Variants in CDKN2B-AS1 observed in about 807,000 individuals in gnomAD.
CDKN2B-AS1 encodes CDKN2B antisense RNA 1 (non-protein coding).
At chr9:22,076,609 C>G (rs1391571256) in intron 4 of CDKN2B-AS1, among the ~76,000 whole-genome samples, 1 of 152,156 alleles carries the variant, frequency 6.6e-6, no homozygotes, top group Non-Finnish European at 1.5e-5. Flanking sequence ...GCTTCCCTTC[C>G]CACTCCAAAC....
chr9:22,012,522 C>T, intron 1 of CDKN2B-AS1: 3 of 639,020 alleles, frequency 4.7e-6, no homozygotes, highest in South Asian at 4.2e-5. Context: ...AACCTGCACC[C>T]CAAGAAGGTC....
At chr9:22,002,426 A>G (rs917074912) in intron 1 of CDKN2B-AS1, among the ~76,000 whole-genome samples, 4 of 151,960 alleles carry the variant, frequency 2.6e-5, no homozygotes, top group Non-Finnish European at 2.9e-5. Flanking sequence ...TAAAATGAGT[A>G]TATGTTTTAC....
intron 4 of CDKN2B-AS1, chr9:22,064,140 G>C (rs563066707): frequency 6.6e-6 from 1 of 152,306 alleles, no homozygotes; most frequent in Non-Finnish European, 1.5e-5. Flanking sequence ...TAAGACACTG[G>C]GTTTTCTAGC....
At chr9:22,013,064 A>G (rs117626887) in intron 1 of CDKN2B-AS1, among the ~76,000 whole-genome samples, 1,828 of 152,296 alleles carry the variant, frequency 0.012, 17 homozygotes, top group Non-Finnish European at 0.021. Flanking sequence ...TGGCCATCCT[A>G]CTGCTGCCTC....
intron 1 of CDKN2B-AS1, chr9:22,008,928 G>A: frequency 6.2e-7 from 1 of 1,612,950 alleles, no homozygotes. Flanking sequence ...GCCCCCACTG[G>A]GCATGCCCTT....
rs1021872674 is a variant in CDKN2B-AS1 at position 22,113,643 on chromosome 9, T to C, written n.439-13460T>C. The C allele has an allele frequency of 2.6e-5, 4 of 152,258 alleles. No individual in the cohort carries two copies. The South Asian group carries it at 8.3e-4, about 32-fold the overall frequency. The allele number at this position is 152,258 out of a possible 1,614,324, so 9.4% of individuals were successfully genotyped here. On this transcript the variant is annotated intron_variant and non_coding_transcript_variant, in intron 4 of 4. Transcript: ENST00000650946. Reference sequence around the variant, plus strand: ...TATTTGCAAAAGTGAGTTTTAATGCTCTTTGCCCTGCTTGCCTCACAGGAT... The same window carrying C: ...TATTTGCAAAAGTGAGTTTTAATGCCCTTTGCCCTGCTTGCCTCACAGGAT...
intron 1 of CDKN2B-AS1, among the ~76,000 whole-genome samples, chr9:22,035,452 A>G (rs2131254460): frequency 6.6e-6 from 1 of 152,104 alleles, no homozygotes; most frequent in East Asian, 1.9e-4. Context: ...GAATATGTTG[A>G]TTGGCGTCAA....
chr9:22,024,519 G>T (rs1822150093), intron 1 of CDKN2B-AS1, among the ~76,000 whole-genome samples: 1 of 152,138 alleles, frequency 6.6e-6, no homozygotes. Context: ...GTGCCTTCTT[G>T]GTCACCTGCA....
chr9:22,000,932 CTG>C lies in CDKN2B-AS1; in HGVS notation n.29+5773_29+5774del, dbSNP rs1351228544. On this transcript the variant is annotated intron_variant and non_coding_transcript_variant, in intron 1 of 4. Coordinates refer to ENST00000650946, the Ensembl canonical transcript of CDKN2B-AS1. The surrounding 1 kb of genome is among the most constrained non-coding windows in gnomAD (Gnocchi z 4.1). The stretch of plus-strand genomic sequence containing the variant: ...CTCATTCTTGGTCCTGACTCCTACT[CTG>C]TTATCCATAGCTCAGTACCTAGTAT... 1.3e-5 allele frequency among the ~76,000 whole-genome samples: 2 copies of C among 152,120 alleles called. No individual in the cohort carries two copies. The highest frequency in any genetic ancestry group is 4.8e-5 in the African/African-American group (2 of 41,430).
chr9:21,998,035 G>T (rs912578408), intron 1 of CDKN2B-AS1, among the ~76,000 whole-genome samples: 3 of 152,130 alleles, frequency 2.0e-5, no homozygotes, highest in Non-Finnish European at 4.4e-5. Flanking sequence ...CTGAATAAAA[G>T]GATAATTATA....
chr9:22,011,051 G>T (rs1046476290), intron 1 of CDKN2B-AS1, among the ~76,000 whole-genome samples: 3 of 152,312 alleles, frequency 2.0e-5, no homozygotes, highest in African/African-American at 7.2e-5. Context: ...TTGACTGAAT[G>T]AAAAACAACT....
intron 1 of CDKN2B-AS1, chr9:22,009,512 C>T (rs1324233806): frequency 1.3e-5 from 3 of 236,476 alleles, no homozygotes; most frequent in Non-Finnish European, 2.5e-5. Flanking sequence ...ATGCTGGCTG[C>T]ACTGCTCGCT....
intron 4 of CDKN2B-AS1, among the ~76,000 whole-genome samples, chr9:22,099,331 C>G (rs913077127): frequency 1.5e-4 from 23 of 151,872 alleles, no homozygotes; most frequent in African/African-American, 5.3e-4. Flanking sequence ...GCAATGGGAG[C>G]CTACAAAATT....
chr9:22,091,285 G>T (rs1241515631), intron 4 of CDKN2B-AS1, among the ~76,000 whole-genome samples: 1 of 152,138 alleles, frequency 6.6e-6, no homozygotes, highest in Non-Finnish European at 1.5e-5. Context: ...TGTTCTTTTG[G>T]CTTAGGATTG....
chr9:22,063,107 A>G (rs1207721815), intron 4 of CDKN2B-AS1, among the ~76,000 whole-genome samples: 2 of 152,062 alleles, frequency 1.3e-5, no homozygotes, highest in Non-Finnish European at 1.5e-5. Flanking sequence ...AATGGTGCTT[A>G]GGAGAGAGAT....
Position 21,999,035 on chromosome 9 carries a change from AAG to A in CDKN2B-AS1, n.29+3876_29+3877del, listed in dbSNP as rs1480346977. ...ATATGTGCAAATAGTAAAAAATAAA[AAG>A]ATAATCTTACTCATTAATAAATGTA... On this transcript the variant is annotated intron_variant and non_coding_transcript_variant, in intron 1 of 4. Coordinates refer to ENST00000650946, the Ensembl canonical transcript of CDKN2B-AS1. The surrounding 1 kb of genome is among the most constrained non-coding windows in gnomAD (Gnocchi z 4.7). 2.6e-5 allele frequency among the ~76,000 whole-genome samples: 4 copies of A among 152,160 alleles called. No individual in the cohort carries two copies. The highest frequency in any genetic ancestry group is 4.8e-5 in the African/African-American group (2 of 41,448).
intron 4 of CDKN2B-AS1, among the ~76,000 whole-genome samples, chr9:22,101,699 CACAT>C (rs771254093): frequency 0.082 from 5,334 of 65,104 alleles, 140 homozygotes; most frequent in Middle Eastern, 0.18. Context: ...CACACACACA[CACAT>C]GGCTTCTAGA....
At chr9:22,012,607 C>G in intron 1 of CDKN2B-AS1, 1 of 421,616 alleles carries the variant, frequency 2.4e-6, no homozygotes, top group Non-Finnish European at 4.4e-6. Context: ...ATAAAGTGTC[C>G]CTTTCATTGA....
chr9:22,104,062 C>T (rs759084921), intron 4 of CDKN2B-AS1, among the ~76,000 whole-genome samples: 3 of 152,138 alleles, frequency 2.0e-5, no homozygotes, highest in Non-Finnish European at 4.4e-5. Context: ...TTAATAATTT[C>T]TCTCAATTTT....
Sources: gnomAD v4.1 joint callset for allele counts (sites outside exome capture counted in the v4.1 genomes callset) on GRCh38, gnomAD v4.1.1 for gene constraint, Gnocchi (gnomAD v3.1) non-coding constraint, MANE v1.5 for transcripts, NCBI Gene and HGNC (gene_info 2026-07-23, HGNC 2026-07-21) for gene names.